The following RAI1 variants were observed in gnomAD, a reference collection of about 807,000 sequenced individuals.
RAI1 encodes the protein retinoic acid induced 1.
A neutral mutation model predicts 123.8 loss-of-function variants in RAI1; 9 were observed. The ratio of observed to expected loss-of-function variants is 0.07; its 90% CI spans 0.04 to 0.13. The LOEUF is 0.13. RAI1 is among the 10% of genes least tolerant of loss of function. The pLI, the probability that RAI1 is intolerant of heterozygous loss-of-function variation, is 1.00. For missense variants in RAI1, 2,256 were observed against 2,545.8 expected, an observed-to-expected ratio of 0.89 and a Z score of 2.45; for synonymous variants, 1,231 against 1,127.3, an observed-to-expected ratio of 1.09 and a Z score of -1.84.
chr17:17,692,460 T>C (rs960565735), intron 1 of RAI1, among the ~76,000 whole-genome samples: 3 of 152,206 alleles, frequency 2.0e-5, no homozygotes, highest in African/African-American at 7.2e-5. Context: ...CTATATCCAT[T>C]ATCAAGGAAA....
rs538101375 is a variant in RAI1 at position 17,795,472 on chromosome 17, C to T, written c.2524C>T (p.Arg842Trp). 11 of 1,584,532 alleles carry T rather than the reference C, an allele frequency of 6.9e-6. No homozygotes were observed. The highest frequency in any genetic ancestry group is 2.3e-5 in the East Asian group (1 of 43,546). ...GGCTGACCGGTGGCTGGAGGACAGC[C>T]GGCACTGCTGTTCCACCGCCGACTT... ...AKADRWLEDS[R>W]HCCSTADFGD... is the part of the protein sequence containing the mutation. The change falls in exon 3 of 6, where the codon CGG becomes TGG. Residue 842 changes from arginine (R) to tryptophan (W), a missense_variant. By Grantham distance (101) the Arg-to-Trp change is moderately radical. Around this residue, in one of 7 missense-constraint regions of RAI1, gnomAD observed 566 missense variants for 616.0 expected, o/e 0.92. Coordinates refer to ENST00000353383, the MANE Select transcript of RAI1 (RefSeq NM_030665.4). The surrounding 1 kb of genome is among the most constrained non-coding windows in gnomAD (Gnocchi z 5.9).
At position 17,797,647 on chromosome 17, in the gene RAI1, C is replaced by A; in HGVS notation, c.4699C>A (p.Pro1567Thr). Residue 1567 changes from proline (P) to threonine (T), a missense_variant, in exon 3 of 6, where the codon CCC (proline) becomes ACC (threonine). Transcript: ENST00000353383. ...GCGACGACGACAGCAGCAGGTGCTGCCCCTGGATCCCGCAGAGCCTGAAAT... is the reference window on the plus strand; with the variant it reads ...GCGACGACGACAGCAGCAGGTGCTGACCCTGGATCCCGCAGAGCCTGAAAT... ...AKRRRQQQVL[P>T]LDPAEPEIRL... The A allele has an allele frequency of 1.2e-6, 2 of 1,613,888 alleles. No individual in the cohort carries two copies. The highest frequency in any genetic ancestry group is 1.7e-6 in the Non-Finnish European group (2 of 1,180,024).
intron 2 of RAI1, among the ~76,000 whole-genome samples, chr17:17,742,222 G>T (rs114171621): frequency 1.3e-5 from 2 of 152,194 alleles, no homozygotes; most frequent in African/African-American, 4.8e-5. Flanking sequence ...GCTTTGCCCT[G>T]CTTGCCCCAC....
intron 2 of RAI1, among the ~76,000 whole-genome samples, chr17:17,751,308 A>C (rs1355232313): frequency 6.6e-6 from 1 of 152,210 alleles, no homozygotes; most frequent in Non-Finnish European, 1.5e-5. Flanking sequence ...AAGGCATGCC[A>C]GGCAGAGGGG....
intron 2 of RAI1, among the ~76,000 whole-genome samples, chr17:17,755,612 C>T (rs887795858): frequency 6.6e-6 from 1 of 152,184 alleles, no homozygotes; most frequent in Non-Finnish European, 1.5e-5. Context: ...GCATGTCCTC[C>T]TCCATCAGTC....
At chr17:17,708,272 A>T (rs1165104381) in intron 1 of RAI1, among the ~76,000 whole-genome samples, 2 of 151,764 alleles carry the variant, frequency 1.3e-5, no homozygotes, top group Non-Finnish European at 2.9e-5. Flanking sequence ...CCAGGAGGAG[A>T]CCCCCTTGAT....
Position 17,685,971 on chromosome 17 carries a change from C to T in RAI1, c.-149+4178C>T, listed in dbSNP as rs1464910351. ...CAAAACAGACGTCCTGTCTCCTCCTCCTCTGACCTCCGAGGCAGAATGAGT... is the reference window on the plus strand; with the variant it reads ...CAAAACAGACGTCCTGTCTCCTCCTTCTCTGACCTCCGAGGCAGAATGAGT... On this transcript the variant is annotated intron_variant, in intron 1 of 5. Coordinates refer to ENST00000353383, the MANE Select transcript of RAI1 (RefSeq NM_030665.4). The surrounding 1 kb of genome is among the most constrained non-coding windows in gnomAD (Gnocchi z 4.0). Among the ~76,000 whole-genome samples, 5 of 152,242 alleles carry T rather than the reference C, an allele frequency of 3.3e-5. No homozygotes were observed. In the South Asian group the frequency reaches 6.2e-4, roughly 19 times the overall value.
intron 1 of RAI1, among the ~76,000 whole-genome samples, chr17:17,707,405 GAGA>G (rs1381226076): frequency 6.6e-6 from 1 of 152,210 alleles, no homozygotes; most frequent in Non-Finnish European, 1.5e-5. Flanking sequence ...AGGCCTCCCT[GAGA>G]AGGTGACAGG....
At chr17:17,732,197 C>T (rs1055320165) in intron 2 of RAI1, among the ~76,000 whole-genome samples, 1 of 152,162 alleles carries the variant, frequency 6.6e-6, no homozygotes, top group African/African-American at 2.4e-5. Flanking sequence ...TGGTTCAAGG[C>T]CCATGGCTGG....
rs1193608127 is a variant in RAI1 at position 17,801,011 on chromosome 17, G to A, written c.5565+2498G>A. On this transcript the variant is annotated intron_variant, in intron 3 of 5. Coordinates refer to ENST00000353383, the MANE Select transcript of RAI1 (RefSeq NM_030665.4). This position sits in a 1 kb window ranked among gnomAD's most constrained non-coding sequence, Gnocchi z 4.1. ...GCCTGGCATGTGGAAGGGGCTTGGGGTGCAGCTGTGTCCCTGGCCCCAGCA... is the reference window on the plus strand; with the variant it reads ...GCCTGGCATGTGGAAGGGGCTTGGGATGCAGCTGTGTCCCTGGCCCCAGCA... Among the ~76,000 whole-genome samples the A allele has an allele frequency of 6.6e-6, 1 of 152,168 alleles. No individual in the cohort carries two copies. Among genetic ancestry groups the A allele is most frequent in the Non-Finnish European group, 1.5e-5 (1 of 68,030 alleles).
intron 1 of RAI1, among the ~76,000 whole-genome samples, chr17:17,701,594 CCT>C (rs1915226474): frequency 6.6e-6 from 1 of 152,164 alleles, no homozygotes; most frequent in Non-Finnish European, 1.5e-5. Flanking sequence ...GTACCCAGCC[CCT>C]CTTTTTTCTT....
At chr17:17,704,657 G>C (rs1298287063) in intron 1 of RAI1, among the ~76,000 whole-genome samples, 1 of 152,142 alleles carries the variant, frequency 6.6e-6, no homozygotes, top group Non-Finnish European at 1.5e-5. Flanking sequence ...CCTGACATCA[G>C]GACGTTACCA....
intron 2 of RAI1, among the ~76,000 whole-genome samples, chr17:17,744,871 T>C (rs1916770629): frequency 6.7e-6 from 1 of 149,212 alleles, no homozygotes; most frequent in Non-Finnish European, 1.5e-5. Flanking sequence ...TCCCTAGAGG[T>C]CTTTACTTTT....
chr17:17,739,833 C>T (rs1036952870), intron 2 of RAI1, among the ~76,000 whole-genome samples: 1 of 152,206 alleles, frequency 6.6e-6, no homozygotes, highest in Non-Finnish European at 1.5e-5. Context: ...GGGGTGGGTC[C>T]CAGGCACCAG....
intron 1 of RAI1, among the ~76,000 whole-genome samples, chr17:17,682,984 C>T (rs1914494360): frequency 6.6e-6 from 1 of 152,154 alleles, no homozygotes; most frequent in Non-Finnish European, 1.5e-5. Context: ...CGCACACTCT[C>T]CCGCGCCGCC....
At chr17:17,765,159 A>C (rs1324714860) in intron 2 of RAI1, among the ~76,000 whole-genome samples, 1 of 152,216 alleles carries the variant, frequency 6.6e-6, no homozygotes, top group Non-Finnish European at 1.5e-5. Flanking sequence ...TGAAAACTAA[A>C]ATAGTTGGAG....
At chr17:17,787,025 G>T (rs1212583335) in intron 2 of RAI1, among the ~76,000 whole-genome samples, 1 of 152,226 alleles carries the variant, frequency 6.6e-6, no homozygotes, top group Non-Finnish European at 1.5e-5. Flanking sequence ...TAGGCAACAG[G>T]AGGGAAACTC....
chr17:17,687,426 G>A (rs1204334694), intron 1 of RAI1, among the ~76,000 whole-genome samples: 2 of 152,150 alleles, frequency 1.3e-5, no homozygotes, highest in African/African-American at 2.4e-5. Flanking sequence ...AGAAACCAGG[G>A]ACCCCGTGGA....
chr17:17,688,401 T>C (rs2142860775), intron 1 of RAI1, among the ~76,000 whole-genome samples: 1 of 151,482 alleles, frequency 6.6e-6, no homozygotes, highest in East Asian at 2.0e-4. Flanking sequence ...GGAGGATCAC[T>C]TGAACCCCGG....
Sources: gnomAD v4.1 joint callset for allele counts (sites outside exome capture counted in the v4.1 genomes callset) on GRCh38, gnomAD v4.1.1 for gene constraint, gnomAD v4.1.1 regional missense constraint, Gnocchi (gnomAD v3.1) non-coding constraint, MANE v1.5 for transcripts, NCBI Gene and HGNC (gene_info 2026-07-23, HGNC 2026-07-21) for gene names.